Variants in SERINC5 observed in about 807,000 individuals in gnomAD.
SERINC5 encodes the protein serine incorporator 5.
A neutral mutation model predicts 63.1 loss-of-function variants in SERINC5; 41 were observed. The observed-to-expected ratio is 0.65, with a 90% CI of 0.51 to 0.84. The LOEUF is 0.84. Among genes scored for constraint, SERINC5 ranks in the 40% least tolerant of loss-of-function variants. The pLI, the probability that SERINC5 is intolerant of heterozygous loss-of-function variation, is 0.00. For missense variants in SERINC5, 523 were observed against 573.0 expected, an observed-to-expected ratio of 0.91 and a Z score of 0.89; for synonymous variants, 222 against 215.2, an observed-to-expected ratio of 1.03 and a Z score of -0.28.
intron 1 of SERINC5, among the ~76,000 whole-genome samples, chr5:80,252,713 T>C (rs1018607005): frequency 6.6e-6 from 1 of 152,208 alleles, no homozygotes; most frequent in Admixed American, 6.5e-5. Context: ...TATCATCACA[T>C]GTAATTTTCC....
At chr5:80,213,729 T>C (rs1750539467) in intron 1 of SERINC5, among the ~76,000 whole-genome samples, 5 of 152,200 alleles carry the variant, frequency 3.3e-5, no homozygotes, top group Admixed American at 3.3e-4. Context: ...CTTCTTCTAG[T>C]GTCTTGCCCC....
At chr5:80,127,976 T>G (rs2112248286) in intron 11 of SERINC5, among the ~76,000 whole-genome samples, 1 of 152,262 alleles carries the variant, frequency 6.6e-6, no homozygotes, top group African/African-American at 2.4e-5. Context: ...ATTTAAAGAT[T>G]TAACAATTTA....
At chr5:80,162,915 TG>T (rs1747039121) in intron 7 of SERINC5, among the ~76,000 whole-genome samples, 1 of 151,796 alleles carries the variant, frequency 6.6e-6, no homozygotes, top group Admixed American at 6.6e-5. Flanking sequence ...AGTGCGATCT[TG>T]GCTAGTGAGC....
At chr5:80,169,694 AT>A in intron 5 of SERINC5, 148 bp from the exon 6 acceptor site, 1 of 623,588 alleles carries the variant, frequency 1.6e-6, no homozygotes, top group Non-Finnish European at 2.8e-6. Context: ...AAGACACATT[AT>A]TTTAGCAGTG....
chr5:80,208,190 C>A (rs1580170560), intron 1 of SERINC5, among the ~76,000 whole-genome samples: 1 of 151,894 alleles, frequency 6.6e-6, no homozygotes, highest in South Asian at 2.1e-4. Context: ...AGAGGGAATG[C>A]TAATGTAAAC....
chr5:80,144,701 C>T (rs1357201227), intron 11 of SERINC5, among the ~76,000 whole-genome samples: 2 of 152,150 alleles, frequency 1.3e-5, no homozygotes, highest in East Asian at 3.9e-4. Flanking sequence ...ATTCCCTCTC[C>T]TAATTTTATT....
chr5:80,214,971 T>G (rs1343512814), intron 1 of SERINC5, among the ~76,000 whole-genome samples: 1 of 152,232 alleles, frequency 6.6e-6, no homozygotes, highest in Non-Finnish European at 1.5e-5. Context: ...TCCTTAAGCC[T>G]TGTAAAACTT....
chr5:80,221,066 C>T (rs1304313111), intron 1 of SERINC5, among the ~76,000 whole-genome samples: 3 of 152,154 alleles, frequency 2.0e-5, no homozygotes, highest in East Asian at 3.9e-4. Flanking sequence ...AGAGAGCACT[C>T]GGCCATGCTA....
intron 2 of SERINC5, among the ~76,000 whole-genome samples, chr5:80,179,492 T>A (rs538447238): frequency 5.9e-5 from 9 of 152,330 alleles, no homozygotes; most frequent in African/African-American, 2.2e-4. Flanking sequence ...ACTTGTTTTT[T>A]ATTATCACAA....
At chr5:80,229,321 G>A (rs566158925) in intron 1 of SERINC5, among the ~76,000 whole-genome samples, 1 of 148,412 alleles carries the variant, frequency 6.7e-6, no homozygotes, top group African/African-American at 2.5e-5. Context: ...ACCATTCCTG[G>A]CATTTTACAT....
chr5:80,225,051 T>C (rs1303706539), intron 1 of SERINC5, among the ~76,000 whole-genome samples: 4 of 148,508 alleles, frequency 2.7e-5, no homozygotes, highest in Admixed American at 2.0e-4. Flanking sequence ...AGCAATTCTC[T>C]TGACTCAGCC....
chr5:80,132,314 C>T (rs554068891), intron 11 of SERINC5, among the ~76,000 whole-genome samples: 1 of 152,220 alleles, frequency 6.6e-6, no homozygotes, highest in East Asian at 1.9e-4. Context: ...CCTCCTGCTT[C>T]TGTAAGGAAC....
rs149191137 is a variant in SERINC5 at position 80,222,883 on chromosome 5, A to G, written c.28-19830T>C. 7.0e-3 allele frequency among the ~76,000 whole-genome samples: 1,059 copies of G among 151,428 alleles called. 13 individuals carry two copies. The highest frequency in any genetic ancestry group is 0.023 in the African/African-American group (933 of 41,218). On this transcript the variant is annotated intron_variant, in intron 1 of 11. Transcript: ENST00000507668. ...GCCACCATACCGGCCAGTTTTTTAG[A>G]CAGTCTCACTCTGTTGCCCAGGCTG...
chr5:80,134,824 G>A (rs1425612893), downstream of SERINC5, among the ~76,000 whole-genome samples: 1 of 152,226 alleles, frequency 6.6e-6, no homozygotes, highest in Non-Finnish European at 1.5e-5. Context: ...TTCTCACACA[G>A]CACCCTGACA....
chr5:80,137,164 CA>C (rs796274001), downstream of SERINC5, among the ~76,000 whole-genome samples: 5 of 79,114 alleles, frequency 6.3e-5, no homozygotes, highest in Admixed American at 1.3e-4. Context: ...AAAAAAAAAA[CA>C]AAAAAAACAC....
intron 6 of SERINC5, 62 bp downstream of exon 6, chr5:80,169,273 G>T: frequency 7.2e-7 from 1 of 1,386,646 alleles, no homozygotes; most frequent in Non-Finnish European, 1.0e-6. Flanking sequence ...AAAAGCCATT[G>T]GGTTTGCTCA....
At chr5:80,190,380 G>A (rs151224345) in intron 2 of SERINC5, among the ~76,000 whole-genome samples, 17 of 152,076 alleles carry the variant, frequency 1.1e-4, no homozygotes, top group African/African-American at 4.1e-4. Context: ...CCAAAGTGCT[G>A]GGATTACAGA....
At chr5:80,119,637 C>T (rs1045458267) in intron 11 of SERINC5, among the ~76,000 whole-genome samples, 5 of 152,172 alleles carry the variant, frequency 3.3e-5, no homozygotes, top group African/African-American at 1.2e-4. Flanking sequence ...GATTATGATC[C>T]CAAATCCCAG....
In SERINC5 at chr5:80,142,446, T is replaced by C. The variant is rs111985020; in HGVS notation, c.*1217A>G. 5 of 954,850 alleles carry C rather than the reference T, an allele frequency of 5.2e-6. No homozygotes were observed. In the African/African-American group the frequency reaches 8.8e-5, roughly 17 times the overall value. The allele number at this position is 954,850 out of a possible 1,614,324, so 59.1% of individuals were successfully genotyped here. A position where few individuals can be genotyped will look rare whatever the true frequency, so the allele number is the denominator to read the frequency against. ...CAGGGTTTCACCATGTTAGCCAGGC[T>C]GGTCTTGCAACTCCTGACCTCAAGT... On this transcript the variant is annotated 3_prime_UTR_variant, in exon 12 of 12. Transcript: ENST00000507668.
Sources: gnomAD v4.1 joint callset for allele counts (sites outside exome capture counted in the v4.1 genomes callset) on GRCh38, gnomAD v4.1.1 for gene constraint, MANE v1.5 for transcripts, NCBI Gene and HGNC (gene_info 2026-07-23, HGNC 2026-07-21) for gene names.